COL13A1: variants seen among roughly 807,000 people sequenced by gnomAD.
COL13A1 encodes collagen type XIII alpha 1 chain, also known as collagen alpha-1(XIII) chain.
Under a neutral mutation model 130.9 loss-of-function variants are expected in COL13A1, and 89 were observed. That is an observed-to-expected ratio of 0.68 (90% CI 0.57 to 0.81). The LOEUF is 0.81. Ranked by LOEUF, COL13A1 falls within the 30% of genes least tolerant of loss-of-function variation. COL13A1 has a pLI of 0.00. For missense variants in COL13A1, 879 were observed against 934.6 expected, an observed-to-expected ratio of 0.94 and a Z score of 0.78; for synonymous variants, 402 against 341.6, an observed-to-expected ratio of 1.18 and a Z score of -1.95.
intron 38 of COL13A1, among the ~76,000 whole-genome samples, chr10:69,952,251 A>G (rs2069686679): frequency 6.6e-6 from 1 of 152,224 alleles, no homozygotes; most frequent in Non-Finnish European, 1.5e-5. Context: ...CATGCATAAT[A>G]AAGGCACACA....
At chr10:69,811,273 T>G (rs1328772880) in intron 1 of COL13A1, among the ~76,000 whole-genome samples, 1 of 152,190 alleles carries the variant, frequency 6.6e-6, no homozygotes, top group Non-Finnish European at 1.5e-5. Flanking sequence ...AGGAGAACCT[T>G]GCTGCCCCTA....
intron 35 of COL13A1, among the ~76,000 whole-genome samples, chr10:69,942,792 C>T (rs935400481): frequency 2.6e-5 from 4 of 152,184 alleles, no homozygotes; most frequent in Non-Finnish European, 4.4e-5. Flanking sequence ...TGTAGGCCTC[C>T]GAGGCAAGGC....
chr10:69,942,099 C>T (rs1479153939), intron 35 of COL13A1, among the ~76,000 whole-genome samples: 1 of 152,110 alleles, frequency 6.6e-6, no homozygotes, highest in African/African-American at 2.4e-5. Flanking sequence ...CCCAGGTGGC[C>T]GGGGGCACTT....
At chr10:69,839,296 TG>T (rs1850945551) in intron 2 of COL13A1, among the ~76,000 whole-genome samples, 1 of 152,172 alleles carries the variant, frequency 6.6e-6, no homozygotes, top group African/African-American at 2.4e-5. Flanking sequence ...CTGCTTCCAG[TG>T]TAATGAGAGA....
At chr10:69,839,279 C>G (rs1046462534) in intron 2 of COL13A1, among the ~76,000 whole-genome samples, 1 of 152,198 alleles carries the variant, frequency 6.6e-6, no homozygotes, top group African/African-American at 2.4e-5. Flanking sequence ...GAGGTCTTGA[C>G]CTCTTCCTGC....
chr10:69,835,283 G>T (rs1849748509), intron 2 of COL13A1, among the ~76,000 whole-genome samples: 1 of 152,170 alleles, frequency 6.6e-6, no homozygotes, highest in African/African-American at 2.4e-5. Flanking sequence ...TTGGAGGAAA[G>T]GAGCAGCAAG....
chr10:69,874,274 G>A (rs780231090), intron 4 of COL13A1, among the ~76,000 whole-genome samples: 10 of 152,148 alleles, frequency 6.6e-5, no homozygotes, highest in Admixed American at 2.6e-4. Context: ...AGAGTCACCC[G>A]AGAAATGCCC....
intron 2 of COL13A1, among the ~76,000 whole-genome samples, chr10:69,862,390 A>G (rs766381965): frequency 1.1e-4 from 17 of 152,132 alleles, no homozygotes; most frequent in African/African-American, 2.4e-4. Flanking sequence ...CATCAAATAA[A>G]TTCAGTTGGT....
intron 35 of COL13A1, among the ~76,000 whole-genome samples, 155 bp downstream of exon 35, chr10:69,941,178 C>T (rs1335177782): frequency 6.6e-6 from 1 of 152,236 alleles, no homozygotes; most frequent in Non-Finnish European, 1.5e-5. Flanking sequence ...TCTGAAGTGC[C>T]TTTTCTGGCC....
chr10:69,953,122 C>T (rs192419192), intron 39 of COL13A1, among the ~76,000 whole-genome samples, 154 bp downstream of exon 39: 78 of 152,328 alleles, frequency 5.1e-4, no homozygotes, highest in Non-Finnish European at 1.0e-3. Context: ...AAATTCTGCC[C>T]GCTGTTGGAT....
chr10:69,912,401 G>A (rs1259560524), intron 17 of COL13A1, among the ~76,000 whole-genome samples: 4 of 152,182 alleles, frequency 2.6e-5, no homozygotes, highest in Non-Finnish European at 5.9e-5. Flanking sequence ...CTGTAGCAGG[G>A]AAGCAGGAAC....
At chr10:69,855,073 C>T (rs1047965416) in intron 2 of COL13A1, among the ~76,000 whole-genome samples, 6 of 152,214 alleles carry the variant, frequency 3.9e-5, no homozygotes, top group African/African-American at 1.2e-4. Flanking sequence ...TCCGTGTAAC[C>T]TATGGAGCCT....
At chr10:69,813,574 C>A (rs577759703) in intron 1 of COL13A1, among the ~76,000 whole-genome samples, 31 of 152,226 alleles carry the variant, frequency 2.0e-4, no homozygotes, top group Admixed American at 7.2e-4. Context: ...GTGCCAAGTC[C>A]ACTGCACGAA....
intron 40 of COL13A1, among the ~76,000 whole-genome samples, chr10:69,957,250 C>T (rs984142641): frequency 6.6e-6 from 1 of 152,216 alleles, no homozygotes; most frequent in Non-Finnish European, 1.5e-5. Flanking sequence ...TCAGTAAACC[C>T]TAGGCGGAAT....
At chr10:69,863,718 ACAGGCTTTG>A (rs146796273) in intron 2 of COL13A1, among the ~76,000 whole-genome samples, 2,687 of 152,300 alleles carry the variant, frequency 0.018, 89 homozygotes, top group African/African-American at 0.062. Flanking sequence ...CCAGGAGAAC[ACAGGCTTTG>A]CAGCAAGAGA....
At chr10:69,817,383 T>C (rs1844843589) in intron 1 of COL13A1, among the ~76,000 whole-genome samples, 1 of 151,106 alleles carries the variant, frequency 6.6e-6, no homozygotes, top group Non-Finnish European at 1.5e-5. Flanking sequence ...CTCTTCTGCT[T>C]GCTTTTCTTC....
intron 19 of COL13A1, 96 bp downstream of exon 19, chr10:69,918,413 G>C: frequency 8.4e-7 from 1 of 1,197,434 alleles, no homozygotes; most frequent in Non-Finnish European, 1.2e-6. Context: ...GTGGCTGCCA[G>C]ACCAATGAGG....
At position 69,892,374 on chromosome 10, in the gene COL13A1, A is replaced by AC. The variant is rs757780761; in HGVS notation, c.604-2171dup. ...CTCAAAAGGGAGTCACCTCTGCCCC[A>AC]CCCCCCCACTTCACATTATTCCCAA... On this transcript the variant is annotated intron_variant, in intron 10 of 40. Transcript: ENST00000645393. 6.6e-5 allele frequency among the ~76,000 whole-genome samples: 10 copies of AC among 151,716 alleles called. 1 individual carries two copies. Among genetic ancestry groups the AC allele is most frequent in the East Asian group, 3.9e-4 (2 of 5,144 alleles).
At chr10:69,880,154 T>A (rs2059984469) in intron 6 of COL13A1, among the ~76,000 whole-genome samples, 1 of 152,054 alleles carries the variant, frequency 6.6e-6, no homozygotes, top group South Asian at 2.1e-4. Flanking sequence ...ATGGATCCTG[T>A]TCTTCTCGCT....
Sources: allele counts gnomAD v4.1 joint callset (sites outside exome capture counted in the v4.1 genomes callset), GRCh38; gene constraint gnomAD v4.1.1; transcripts MANE v1.5; gene names NCBI Gene and HGNC (gene_info 2026-07-23, HGNC 2026-07-21).